FBXL2: variants seen among roughly 807,000 people sequenced by gnomAD.
FBXL2 encodes F-box/LRR-repeat protein 2.
A neutral mutation model predicts 69.2 loss-of-function variants in FBXL2; 38 were observed. The ratio of observed to expected loss-of-function variants is 0.55; its 90% CI spans 0.42 to 0.72. FBXL2 has a LOEUF of 0.72. Among genes scored for constraint, FBXL2 ranks in the 30% least tolerant of loss-of-function variants. FBXL2 has a pLI of 0.00. For missense variants in FBXL2, 354 were observed against 520.3 expected, an observed-to-expected ratio of 0.68 and a Z score of 3.11; for synonymous variants, 192 against 201.3, an observed-to-expected ratio of 0.95 and a Z score of 0.39.
At chr3:33,404,825 T>G (rs893892159), downstream of FBXL2, among the ~76,000 whole-genome samples, 1 of 152,136 alleles carries the variant, frequency 6.6e-6, no homozygotes, top group African/African-American at 2.4e-5. Context: ...GACAGATGAT[T>G]CAAAAGGACT....
intron 2 of FBXL2, among the ~76,000 whole-genome samples, chr3:33,333,158 T>C (rs1272861988): frequency 1.3e-5 from 2 of 152,218 alleles, no homozygotes; most frequent in Non-Finnish European, 2.9e-5. Context: ...TGAAAATATT[T>C]TGAAATGTGG....
intron 2 of FBXL2, among the ~76,000 whole-genome samples, chr3:33,341,894 A>G (rs2040048191): frequency 6.6e-6 from 1 of 151,052 alleles, no homozygotes; most frequent in Non-Finnish European, 1.5e-5. Context: ...GTTGCTGACA[A>G]AGTTCTATTT....
intron 5 of FBXL2, among the ~76,000 whole-genome samples, chr3:33,366,141 A>C (rs777673556): frequency 3.9e-5 from 6 of 152,214 alleles, no homozygotes; most frequent in Non-Finnish European, 7.3e-5. Flanking sequence ...GGCTCTTTTA[A>C]ACATGTTTAA....
chr3:33,416,655 AG>A, the FBXL2 span: 1 of 876,416 alleles, frequency 1.1e-6, no homozygotes, highest in Non-Finnish European at 1.7e-6. Flanking sequence ...AAAGTTAAAA[AG>A]TTGTAATACA....
chr3:33,363,641 G>C (rs1423912677), intron 4 of FBXL2, among the ~76,000 whole-genome samples: 1 of 152,174 alleles, frequency 6.6e-6, no homozygotes, highest in Non-Finnish European at 1.5e-5. Flanking sequence ...GGATTGGGTT[G>C]TTGTAGTTTG....
intron 5 of FBXL2, among the ~76,000 whole-genome samples, chr3:33,371,196 G>A (rs1273855806): frequency 2.2e-5 from 3 of 139,532 alleles, no homozygotes; most frequent in Non-Finnish European, 3.0e-5. Flanking sequence ...ATGGAGTCTC[G>A]CTCTGTGGCC....
intron 12 of FBXL2, chr3:33,397,316 C>T: frequency 2.1e-6 from 1 of 475,466 alleles, no homozygotes; most frequent in South Asian, 4.0e-5. Context: ...AAGGAAAATG[C>T]TGGCTTTTCC....
At chr3:33,344,922 G>GTCT (rs1235210869) in intron 2 of FBXL2, among the ~76,000 whole-genome samples, 1 of 152,116 alleles carries the variant, frequency 6.6e-6, no homozygotes, top group Admixed American at 6.6e-5. Flanking sequence ...AGAAACCAAA[G>GTCT]TCTGAAGATT....
At chr3:33,416,816 C>T in the FBXL2 span, 5 of 1,613,358 alleles carry the variant, frequency 3.1e-6, no homozygotes, top group Non-Finnish European at 4.2e-6. Context: ...ATCCAGCATC[C>T]GAATTTCATA....
downstream of FBXL2, among the ~76,000 whole-genome samples, chr3:33,407,133 G>A (rs1048505894): frequency 6.6e-6 from 1 of 152,146 alleles, no homozygotes; most frequent in African/African-American, 2.4e-5. Context: ...AGGTTTTCAA[G>A]ATGAGCTCTA....
chr3:33,385,006 C>T (rs750763436), intron 14 of FBXL2, among the ~76,000 whole-genome samples: 2 of 151,722 alleles, frequency 1.3e-5, no homozygotes, highest in Non-Finnish European at 1.5e-5. Context: ...CCAGCCTGGG[C>T]GACAAGAGTG....
intron 14 of FBXL2, among the ~76,000 whole-genome samples, chr3:33,384,621 G>C (rs1035789213): frequency 1.3e-5 from 2 of 152,120 alleles, no homozygotes; most frequent in African/African-American, 4.8e-5. Flanking sequence ...AAACTGATCT[G>C]GTACAATAGT....
chr3:33,412,894 C>T, the FBXL2 span: 267 of 1,017,232 alleles, frequency 2.6e-4, no homozygotes, highest in African/African-American at 3.7e-3. Context: ...ACCATTTCTA[C>T]TTCTTATGTG....
chr3:33,373,282 T>C lies in FBXL2; in HGVS notation c.382T>C (p.Phe128Leu), dbSNP rs1414287671. The C allele has an allele frequency of 8.7e-6, 14 of 1,614,082 alleles. No individual in the cohort carries two copies. The highest frequency in any genetic ancestry group is 1.2e-5 in the Non-Finnish European group (14 of 1,180,026). ...TDSTCYSLSRFCSKLKHLDLT... is the reference protein window; with the variant it reads ...TDSTCYSLSRLCSKLKHLDLT... ...CAGCACGTGTTATAGCCTTAGCAGA[T>C]TCTGTTCCAAGCTGAAACATCTGGA... The change falls in exon 7 of 15, where the codon TTC becomes CTC. Residue 128 changes from phenylalanine (F) to leucine (L), a missense_variant. Phe to Leu is a conservative substitution (Grantham distance 22, BLOSUM62 0). Coordinates refer to ENST00000484457, the MANE Select transcript of FBXL2 (RefSeq NM_012157.5).
At chr3:33,342,708 C>CT (rs1559572672) in intron 2 of FBXL2, among the ~76,000 whole-genome samples, 9 of 74,302 alleles carry the variant, frequency 1.2e-4, no homozygotes, top group African/African-American at 3.2e-4. Context: ...ACAAATATAA[C>CT]TTCTTTTTTT....
At position 33,384,093 on chromosome 3, in the gene FBXL2, C is replaced by T. The variant is rs1487345167; in HGVS notation, c.1056C>T (p.Leu352=). Residue 352 remains leucine (L), a synonymous_variant, in exon 14 of 15, where the codon CTC becomes CTT. Coordinates refer to ENST00000484457, the MANE Select transcript of FBXL2 (RefSeq NM_012157.5). ...RLRVLELDNC[L]LITDVALEHL... is the part of the protein sequence containing the mutation. ...GGGTACTGGAGTTGGACAACTGCCT[C>T]CTCATCACTGATGTGGCCCTGGAAC... The T allele has an allele frequency of 1.2e-6, 2 of 1,614,150 alleles. No homozygotes were observed. Among genetic ancestry groups the T allele is most frequent in the South Asian group, 2.2e-5 (2 of 91,082 alleles).
In FBXL2 at chr3:33,386,557, TAAAACTC is replaced by T. The variant is rs1325539705; in HGVS notation, c.*951_*957del. ...TAGCTACTCAAAAGTTTTACACACT[TAAAACTC>T]AGATCAGTAAGTGTTGGTACCTTTT... On this transcript the variant is annotated 3_prime_UTR_variant, in exon 15 of 15. Coordinates refer to ENST00000484457, the MANE Select transcript of FBXL2 (RefSeq NM_012157.5). The T allele has an allele frequency of 9.2e-5, 14 of 152,090 alleles. No individual in the cohort carries two copies. The highest frequency in any genetic ancestry group is 5.9e-5 in the Non-Finnish European group (4 of 68,010). 9.4% of individuals were successfully genotyped at this position (152,090 alleles called of 1,614,324 possible). A position where few individuals can be genotyped will look rare whatever the true frequency, so the allele number is the denominator to read the frequency against.
chr3:33,420,088 C>T, the FBXL2 span, among the ~76,000 whole-genome samples: 1 of 152,142 alleles, frequency 6.6e-6, no homozygotes, highest in African/African-American at 2.4e-5. Context: ...GACTCCAGGG[C>T]AACATGGAGC....
At chr3:33,370,367 G>A (rs71325141) in intron 5 of FBXL2, among the ~76,000 whole-genome samples, 8 of 150,350 alleles carry the variant, frequency 5.3e-5, no homozygotes, top group Non-Finnish European at 1.0e-4. Context: ...GCAGTGAGCC[G>A]AGATTGCACC....
Sources: gnomAD v4.1 joint callset for allele counts (sites outside exome capture counted in the v4.1 genomes callset) on GRCh38, gnomAD v4.1.1 for gene constraint, MANE v1.5 for transcripts, NCBI Gene and HGNC (gene_info 2026-07-23, HGNC 2026-07-21) for gene names.